The following PPP2R2B variants were observed in gnomAD, a reference collection of about 807,000 sequenced individuals.
The protein encoded by PPP2R2B is protein phosphatase 2 regulatory subunit Bbeta, also known as serine/threonine-protein phosphatase 2A 55 kDa regulatory subunit B beta isoform.
Under a neutral mutation model 46.0 loss-of-function variants are expected in PPP2R2B, and 5 were observed. That is an observed-to-expected ratio of 0.11 (90% CI 0.06 to 0.23). The LOEUF is 0.23. Ranked by LOEUF, PPP2R2B falls within the 10% of genes least tolerant of loss-of-function variation. The pLI is 1.00. For missense variants in PPP2R2B, 367 were observed against 575.0 expected (o/e 0.64, Z 3.70); for synonymous variants, 215 against 206.7 (o/e 1.04, Z -0.34).
At chr5:146,590,467 G>A (rs937744140) in intron 9 of PPP2R2B, among the ~76,000 whole-genome samples, 3 of 149,650 alleles carry the variant, frequency 2.0e-5, no homozygotes, top group Non-Finnish European at 4.4e-5. Context: ...ATGAGGGATG[G>A]TGAGAACTCT....
At chr5:147,011,973 G>A (rs1195797981) in intron 1 of PPP2R2B, among the ~76,000 whole-genome samples, 4 of 142,112 alleles carry the variant, frequency 2.8e-5, no homozygotes, top group East Asian at 2.0e-4. Context: ...TGCTGGATTC[G>A]GTTTGCCAGT....
At chr5:146,989,781 C>T (rs1753605083) in intron 1 of PPP2R2B, among the ~76,000 whole-genome samples, 1 of 151,846 alleles carries the variant, frequency 6.6e-6, no homozygotes, top group Admixed American at 6.6e-5. Flanking sequence ...AAAGGGCACC[C>T]AAATTTTAAA....
intron 1 of PPP2R2B, among the ~76,000 whole-genome samples, chr5:147,005,280 C>A (rs1580787991): frequency 6.6e-6 from 1 of 152,288 alleles, no homozygotes; most frequent in East Asian, 1.9e-4. Context: ...ATATGAAGGG[C>A]AGGTTATGCC....
intron 7 of PPP2R2B, among the ~76,000 whole-genome samples, chr5:146,633,095 C>T (rs767825921): frequency 1.3e-5 from 2 of 152,112 alleles, no homozygotes; most frequent in Non-Finnish European, 2.9e-5. Flanking sequence ...TTGTTTCAGA[C>T]ATCTAAACTG....
chr5:147,063,623 C>T (rs1181538558), intron 2 of PPP2R2B, among the ~76,000 whole-genome samples: 1 of 152,150 alleles, frequency 6.6e-6, no homozygotes, highest in Admixed American at 6.5e-5. Context: ...GCCTCCTTCC[C>T]AGACATCTCT....
At chr5:146,676,848 C>T (rs1777755979) in intron 5 of PPP2R2B, among the ~76,000 whole-genome samples, 1 of 152,036 alleles carries the variant, frequency 6.6e-6, no homozygotes, top group African/African-American at 2.4e-5. Context: ...AGCAAGAAAC[C>T]GAGGTGGTGC....
chr5:146,655,101 G>T (rs1227573058), intron 5 of PPP2R2B, among the ~76,000 whole-genome samples: 1 of 152,158 alleles, frequency 6.6e-6, no homozygotes, highest in African/African-American at 2.4e-5. Context: ...CTGGAATTCA[G>T]TGATGTCCCC....
chr5:146,959,282 C>T (rs773548873), intron 1 of PPP2R2B, among the ~76,000 whole-genome samples: 5 of 151,988 alleles, frequency 3.3e-5, no homozygotes, highest in Non-Finnish European at 5.9e-5. Context: ...GTTTAATGAC[C>T]GATGTGTGTT....
At chr5:146,659,945 G>A (rs1054425849) in intron 5 of PPP2R2B, among the ~76,000 whole-genome samples, 3 of 152,110 alleles carry the variant, frequency 2.0e-5, no homozygotes, top group African/African-American at 4.8e-5. Flanking sequence ...ATCCACCAAG[G>A]GAATTCAGTC....
At chr5:146,870,978 A>T (rs1298876859) in intron 2 of PPP2R2B, among the ~76,000 whole-genome samples, 1 of 152,224 alleles carries the variant, frequency 6.6e-6, no homozygotes, top group Non-Finnish European at 1.5e-5. Context: ...GTGAACTTGG[A>T]GCAGGAGAAC....
chr5:146,979,412 T>C (rs1753063277), intron 1 of PPP2R2B, among the ~76,000 whole-genome samples: 1 of 152,182 alleles, frequency 6.6e-6, no homozygotes, highest in African/African-American at 2.4e-5. Context: ...ATAAACTCTG[T>C]AATAGCAAAG....
intron 2 of PPP2R2B, among the ~76,000 whole-genome samples, chr5:146,717,492 G>A (rs1780560057): frequency 6.6e-6 from 1 of 152,166 alleles, no homozygotes; most frequent in African/African-American, 2.4e-5. Flanking sequence ...AGTTCTTGGG[G>A]AATAAAAAAT....
At chr5:146,940,997 T>C (rs1438429966) in intron 1 of PPP2R2B, among the ~76,000 whole-genome samples, 1 of 152,186 alleles carries the variant, frequency 6.6e-6, no homozygotes, top group East Asian at 1.9e-4. Context: ...TGTCCACCGC[T>C]GGTGCATTTA....
intron 2 of PPP2R2B, among the ~76,000 whole-genome samples, chr5:146,737,424 G>T (rs1171349256): frequency 6.6e-6 from 1 of 152,124 alleles, no homozygotes; most frequent in Admixed American, 6.5e-5. Context: ...CTCCAAGACT[G>T]TAGAGAGTAT....
chr5:146,904,464 G>A (rs1414589999), intron 1 of PPP2R2B, among the ~76,000 whole-genome samples: 1 of 152,178 alleles, frequency 6.6e-6, no homozygotes, highest in African/African-American at 2.4e-5. Context: ...GGGGTAGGAG[G>A]TAACTAATGG....
chr5:146,608,272 T>G (rs1219771876), intron 7 of PPP2R2B, among the ~76,000 whole-genome samples: 2 of 152,100 alleles, frequency 1.3e-5, no homozygotes, highest in African/African-American at 4.8e-5. Flanking sequence ...GAAGATGAGA[T>G]TTCTGCTTAA....
At chr5:146,713,873 T>G (rs28686836) in intron 2 of PPP2R2B, among the ~76,000 whole-genome samples, 7,783 of 152,170 alleles carry the variant, frequency 0.051, 666 homozygotes, top group African/African-American at 0.18. Context: ...GAGAGGTTTA[T>G]AAGTACAGAT....
At chr5:146,722,052 A>T (rs1561857902) in intron 2 of PPP2R2B, among the ~76,000 whole-genome samples, 1 of 152,174 alleles carries the variant, frequency 6.6e-6, no homozygotes, top group Non-Finnish European at 1.5e-5. Context: ...CATTTTACAG[A>T]TGAGGAAACT....
intron 1 of PPP2R2B, among the ~76,000 whole-genome samples, chr5:147,040,341 C>T (rs1321512677): frequency 1.3e-5 from 2 of 152,108 alleles, no homozygotes; most frequent in African/African-American, 4.8e-5. Flanking sequence ...AGGATCACTT[C>T]CATTTATCAT....
Sources: gnomAD v4.1 joint callset for allele counts (sites outside exome capture counted in the v4.1 genomes callset) on GRCh38, gnomAD v4.1.1 for gene constraint, MANE v1.5 for transcripts, NCBI Gene and HGNC (gene_info 2026-07-23, HGNC 2026-07-21) for gene names.